ZNF718: variants seen among roughly 807,000 people sequenced by gnomAD.
ZNF718 encodes zinc finger protein 718.
Under a neutral mutation model 2.6 loss-of-function variants are expected in ZNF718, and 3 were observed. The ratio of observed to expected loss-of-function variants is 1.16; its 90% CI spans 0.53 to 3.01. The LOEUF (loss-of-function observed/expected upper bound fraction) is 3.01. Ranked by LOEUF, ZNF718 falls within the 30% of genes most tolerant of loss-of-function variation. The probability of loss-of-function intolerance (pLI) is 0.03; values close to 1 mark genes in which losing one functional copy is unlikely to be tolerated. For missense variants in ZNF718, 468 were observed against 230.0 expected (o/e 2.03, Z -6.69); for synonymous variants, 135 against 77.9 (o/e 1.73, Z -3.86).
At chr4:125,006 A>G (rs1053761614) in intron 1 of ZNF718, 8 of 264,192 alleles carry the variant, frequency 3.0e-5, no homozygotes, top group Non-Finnish European at 5.9e-5. Flanking sequence ...TACCCTGTTC[A>G]GAATGAGATT....
Position 136,424 on chromosome 4 carries a change from G to C in ZNF718, c.226+4919G>C, listed in dbSNP as rs369614077. The C allele has an allele frequency of 2.2e-4, 116 of 521,146 alleles. 1 individual carries two copies. Among genetic ancestry groups the C allele is most frequent in the Middle Eastern group, 1.3e-3 (4 of 3,146 alleles). 32.3% of individuals were successfully genotyped at this position (521,146 alleles called of 1,614,324 possible). A position where few individuals can be genotyped will look rare whatever the true frequency, so the allele number is the denominator to read the frequency against. On this transcript the variant is annotated intron_variant, in intron 3 of 3. Coordinates refer to ENST00000510175, the MANE Select transcript of ZNF718 (RefSeq NM_001039127.6). ...GGTCTCTTGATAGGAAGGACCACTT[G>C]TGTACTGTAGCTGAGAGGAGTTTGA...
At chr4:172,805 C>T (rs1295797862) in intron 3 of ZNF718, among the ~76,000 whole-genome samples, 1 of 152,036 alleles carries the variant, frequency 6.6e-6, no homozygotes, top group African/African-American at 2.4e-5. Context: ...CCTGTAATCC[C>T]AGCATGTTGG....
intron 3 of ZNF718, among the ~76,000 whole-genome samples, chr4:132,550 T>C (rs1393722671): frequency 0.41 from 41,541 of 101,338 alleles, 16,664 homozygotes; most frequent in East Asian, 0.81. Flanking sequence ...GACTAGTGGA[T>C]ATATTGGGAT....
At chr4:174,109 T>C (rs1240963336) in intron 3 of ZNF718, among the ~76,000 whole-genome samples, 2 of 152,172 alleles carry the variant, frequency 1.3e-5, no homozygotes, top group Non-Finnish European at 2.9e-5. Context: ...CATTCCTTTG[T>C]ATCTACTCCT....
At chr4:139,378 TCCCC>T (rs1715711890) in intron 3 of ZNF718, among the ~76,000 whole-genome samples, 1 of 152,272 alleles carries the variant, frequency 6.6e-6, no homozygotes, top group African/African-American at 2.4e-5. Context: ...TTGAAGAGAC[TCCCC>T]CATTATATTG....
Position 182,746 on chromosome 4 carries a change from T to A in ZNF718, c.227-18335T>A, listed in dbSNP as rs560227505. 2.6e-5 allele frequency among the ~76,000 whole-genome samples: 4 copies of A among 152,320 alleles called. No homozygotes were observed. In the South Asian group the frequency reaches 8.3e-4, roughly 32 times the overall value. On this transcript the variant is annotated intron_variant and NMD_transcript_variant, in intron 3 of 4. Coordinates refer to the ZNF718 transcript ENST00000642529. ...CTGCGTTTGGCTTGCTTTTTTCTAATGATCAGTGATGTTGAGCTTTTTTTC... is the reference window on the plus strand; with the variant it reads ...CTGCGTTTGGCTTGCTTTTTTCTAAAGATCAGTGATGTTGAGCTTTTTTTC...
intron 3 of ZNF718, among the ~76,000 whole-genome samples, chr4:183,408 G>C (rs1250735709): frequency 6.6e-6 from 1 of 152,076 alleles, no homozygotes; most frequent in Non-Finnish European, 1.5e-5. Context: ...TGTAGCCCTG[G>C]AGTATAGTTT....
At chr4:194,689 A>T (rs890137584) in intron 3 of ZNF718, among the ~76,000 whole-genome samples, 1 of 152,206 alleles carries the variant, frequency 6.6e-6, no homozygotes, top group Non-Finnish European at 1.5e-5. Context: ...CAGGGTTATC[A>T]GAGAATTTAC....
chr4:201,074 TCC>T (rs1717890112), intron 3 of ZNF718: 1 of 152,188 alleles, frequency 6.6e-6, no homozygotes, highest in African/African-American at 2.4e-5. Context: ...TTGAATCCTT[TCC>T]CCAGGTCACT....
At chr4:192,496 C>T (rs1277743116) in intron 3 of ZNF718, among the ~76,000 whole-genome samples, 1 of 152,176 alleles carries the variant, frequency 6.6e-6, no homozygotes, top group Non-Finnish European at 1.5e-5. Flanking sequence ...CCCAGCTAGG[C>T]TTAGGAATTC....
chr4:153,155 C>T (rs543452373), intron 3 of ZNF718, among the ~76,000 whole-genome samples: 137 of 146,928 alleles, frequency 9.3e-4, no homozygotes, highest in African/African-American at 3.3e-3. Flanking sequence ...CTCAGTTTTC[C>T]TTGCACTATT....
At position 131,404 on chromosome 4, in the gene ZNF718, A is replaced by G; in HGVS notation, c.131-6A>G. ...AGTCATGTTAATTTTTTTTTTAATA[A>G]AACAGGTGTTAGTATCTCTAACCCA... is the stretch of plus-strand genomic sequence containing the variant. On this transcript the variant is annotated splice_polypyrimidine_tract_variant and splice_region_variant and intron_variant, in intron 2 of 3. Coordinates refer to ENST00000510175, the MANE Select transcript of ZNF718 (RefSeq NM_001039127.6). 2.2e-6 allele frequency: 1 copy of G among 445,744 alleles called. No individual in the cohort carries two copies. The highest frequency in any genetic ancestry group is 3.6e-6 in the Non-Finnish European group (1 of 279,038). The allele number at this position is 445,744 out of a possible 1,614,324, so 27.6% of individuals were successfully genotyped here.
At chr4:152,875 T>C (rs1336998195) in intron 3 of ZNF718, among the ~76,000 whole-genome samples, 3 of 151,744 alleles carry the variant, frequency 2.0e-5, no homozygotes, top group African/African-American at 7.2e-5. Flanking sequence ...ATTCTGTAGA[T>C]TATCTCTTCA....
intron 3 of ZNF718, among the ~76,000 whole-genome samples, chr4:175,551 T>C (rs1255891330): frequency 1.3e-5 from 2 of 152,214 alleles, no homozygotes; most frequent in Non-Finnish European, 2.9e-5. Flanking sequence ...CTGTTTATTC[T>C]TTCTTTAACC....
intron 3 of ZNF718, among the ~76,000 whole-genome samples, chr4:196,988 G>A (rs1297737225): frequency 6.8e-6 from 1 of 147,580 alleles, no homozygotes; most frequent in Non-Finnish European, 1.5e-5. Context: ...TGTTCTTAGA[G>A]CTCCCAAGAT....
chr4:181,185 T>C (rs1311254509), intron 3 of ZNF718, among the ~76,000 whole-genome samples: 3 of 144,942 alleles, frequency 2.1e-5, no homozygotes, highest in African/African-American at 7.7e-5. Context: ...TTTTTTTTTT[T>C]CGTAGACATG....
chr4:165,899 G>A (rs765463299), downstream of ZNF718, among the ~76,000 whole-genome samples: 28 of 152,240 alleles, frequency 1.8e-4, no homozygotes, highest in Non-Finnish European at 3.2e-4. Context: ...TGCACAACGT[G>A]CAGGTTAGTT....
intron 3 of ZNF718, among the ~76,000 whole-genome samples, chr4:198,345 A>G (rs1717833139): frequency 6.6e-6 from 1 of 152,166 alleles, no homozygotes; most frequent in African/African-American, 2.4e-5. Context: ...AAGCCCTGTG[A>G]TTGCTGCCAA....
chr4:150,473 T>C (rs577790932), intron 3 of ZNF718, among the ~76,000 whole-genome samples: 73 of 152,272 alleles, frequency 4.8e-4, no homozygotes, highest in African/African-American at 1.6e-3. Context: ...CATTTATTGT[T>C]AGATTTCATA....
Sources: gnomAD v4.1 joint callset for allele counts (sites outside exome capture counted in the v4.1 genomes callset) on GRCh38, gnomAD v4.1.1 for gene constraint, MANE v1.5 for transcripts, NCBI Gene and HGNC (gene_info 2026-07-23, HGNC 2026-07-21) for gene names.